The following LRRC20 variants were observed in gnomAD, a reference collection of about 807,000 sequenced individuals.
LRRC20 encodes leucine rich repeat containing 20, also known as leucine-rich repeat-containing protein 20.
In LRRC20, 11 loss-of-function variants were observed where a neutral mutation model predicts 14.4. The ratio of observed to expected loss-of-function variants is 0.77; its 90% CI spans 0.48 to 1.27. The LOEUF (loss-of-function observed/expected upper bound fraction) is 1.27. Ranked by LOEUF, LRRC20 falls within the 50% of genes most tolerant of loss-of-function variation. LRRC20 has a pLI of 0.00. For missense variants in LRRC20, 219 were observed against 251.2 expected (o/e 0.87, Z 0.87); for synonymous variants, 121 against 107.3 (o/e 1.13, Z -0.79).
At chr10:70,380,956 A>T (rs1844680276) in intron 1 of LRRC20, among the ~76,000 whole-genome samples, 1 of 152,208 alleles carries the variant, frequency 6.6e-6, no homozygotes, top group Admixed American at 6.5e-5. Flanking sequence ...TGGCATGGCC[A>T]GGGGGAAGGG....
chr10:70,329,637 C>T (rs1364359838), intron 3 of LRRC20, among the ~76,000 whole-genome samples: 2 of 150,864 alleles, frequency 1.3e-5, no homozygotes, highest in East Asian at 2.0e-4. Context: ...TCTCGGCTCA[C>T]TGCAACTTCT....
At chr10:70,367,041 C>T (rs1210752116) in intron 2 of LRRC20, among the ~76,000 whole-genome samples, 2 of 152,036 alleles carry the variant, frequency 1.3e-5, no homozygotes, top group Non-Finnish European at 2.9e-5. Flanking sequence ...GAAAACTTTA[C>T]TGACCAGATG....
chr10:70,301,907 T>C (rs570948442), intron 4 of LRRC20, among the ~76,000 whole-genome samples: 1 of 152,324 alleles, frequency 6.6e-6, no homozygotes, highest in African/African-American at 2.4e-5. Flanking sequence ...AACAATATGA[T>C]ATATACTATG....
chr10:70,337,898 G>C (rs575782790), intron 3 of LRRC20, among the ~76,000 whole-genome samples: 1 of 152,198 alleles, frequency 6.6e-6, no homozygotes, highest in African/African-American at 2.4e-5. Flanking sequence ...AAAAGCACAA[G>C]TGAACTCTCC....
chr10:70,372,183 G>A (rs4747019), intron 2 of LRRC20, among the ~76,000 whole-genome samples: 21,433 of 152,150 alleles, frequency 0.14, 1,690 homozygotes, highest in South Asian at 0.29. Context: ...CAAGATGTGT[G>A]TTTTATTTCC....
At chr10:70,355,158 G>A (rs932580582) in intron 2 of LRRC20, among the ~76,000 whole-genome samples, 3 of 152,178 alleles carry the variant, frequency 2.0e-5, no homozygotes, top group South Asian at 2.1e-4. Context: ...TGCAGACAGC[G>A]AGCAAAACAA....
intron 2 of LRRC20, among the ~76,000 whole-genome samples, chr10:70,371,917 G>A (rs1431022629): frequency 6.6e-6 from 1 of 152,108 alleles, no homozygotes; most frequent in Non-Finnish European, 1.5e-5. Context: ...CTAGCCAGGG[G>A]TGCCCCAGGA....
chr10:70,356,018 G>C (rs1295302969), intron 2 of LRRC20, among the ~76,000 whole-genome samples: 1 of 152,188 alleles, frequency 6.6e-6, no homozygotes. Context: ...TGAGCATGAG[G>C]CCCTCCAGCC....
chr10:70,319,302 C>T (rs1438306298), intron 4 of LRRC20, among the ~76,000 whole-genome samples: 1 of 152,156 alleles, frequency 6.6e-6, no homozygotes, highest in East Asian at 1.9e-4. Context: ...TTGTCTTCAC[C>T]CTCACATGTT....
intron 2 of LRRC20, among the ~76,000 whole-genome samples, chr10:70,371,880 C>T (rs1178322627): frequency 3.3e-5 from 5 of 151,752 alleles, no homozygotes; most frequent in Non-Finnish European, 4.4e-5. Context: ...CCTCGAGTTA[C>T]AGGAGGAAGC....
At chr10:70,334,513 T>C (rs181604891) in intron 3 of LRRC20, among the ~76,000 whole-genome samples, 18 of 152,198 alleles carry the variant, frequency 1.2e-4, no homozygotes, top group African/African-American at 3.1e-4. Flanking sequence ...GTAACTCCTG[T>C]GGGGCACTGA....
At chr10:70,374,569 C>A (rs1844435776) in intron 2 of LRRC20, among the ~76,000 whole-genome samples, 1 of 152,110 alleles carries the variant, frequency 6.6e-6, no homozygotes, top group African/African-American at 2.4e-5. Context: ...GTCTTGAACT[C>A]CTGGCCCCAA....
At position 70,369,605 on chromosome 10, in the gene LRRC20, C is replaced by CA. The variant is rs71009298; in HGVS notation, c.82+6846dup. Among the ~76,000 whole-genome samples the CA allele has an allele frequency of 1.6e-4, 11 of 68,586 alleles. 1 individual carries two copies. The highest frequency in any genetic ancestry group is 6.7e-4 in the African/African-American group (11 of 16,378). The allele number at this position is 68,586 out of a possible 152,430, so 45.0% of individuals were successfully genotyped here. A position where few individuals can be genotyped will look rare whatever the true frequency, so the allele number is the denominator to read the frequency against. On this transcript the variant is annotated intron_variant, in intron 2 of 4. Transcript: ENST00000446961. ...TGGGTGACAGAGTAAGACGCTGTCT[C>CA]AAAAAAAAAAAAAAAAAAAAAAAAA...
At chr10:70,340,428 C>A (rs1842870084) in intron 3 of LRRC20, 125 bp downstream of exon 3, 2 of 1,153,940 alleles carry the variant, frequency 1.7e-6, no homozygotes. Context: ...AAAGTCAACC[C>A]ATGGGAATGA....
chr10:70,328,478 CGA>C (rs1564622481), intron 3 of LRRC20, among the ~76,000 whole-genome samples: 3 of 152,080 alleles, frequency 2.0e-5, no homozygotes, highest in South Asian at 4.2e-4. Context: ...TGGATTTTTA[CGA>C]GAGACAGGGT....
At chr10:70,322,040 T>C (rs1338108880) in intron 4 of LRRC20, among the ~76,000 whole-genome samples, 3 of 152,252 alleles carry the variant, frequency 2.0e-5, no homozygotes, top group Non-Finnish European at 4.4e-5. Flanking sequence ...CCAGGAGATC[T>C]GGGCCACCCT....
intron 4 of LRRC20, among the ~76,000 whole-genome samples, chr10:70,317,810 G>A (rs903020211): frequency 2.6e-5 from 4 of 152,298 alleles, no homozygotes; most frequent in Admixed American, 6.5e-5. Context: ...AGCTGGCACT[G>A]GCAGGTCAAG....
chr10:70,358,114 A>G (rs576751571), intron 2 of LRRC20, among the ~76,000 whole-genome samples: 99 of 152,346 alleles, frequency 6.5e-4, no homozygotes, highest in Non-Finnish European at 1.1e-3. Context: ...GAAAGTCCAG[A>G]AACCCGGATC....
intron 2 of LRRC20, among the ~76,000 whole-genome samples, chr10:70,363,073 C>T (rs12240569): frequency 6.7e-6 from 1 of 149,964 alleles, no homozygotes; most frequent in Admixed American, 6.7e-5. Flanking sequence ...GAGTTCGAGA[C>T]TAGTCTGGGC....
Sources: gnomAD v4.1 joint callset for allele counts (sites outside exome capture counted in the v4.1 genomes callset) on GRCh38, gnomAD v4.1.1 for gene constraint, MANE v1.5 for transcripts, NCBI Gene and HGNC (gene_info 2026-07-23, HGNC 2026-07-21) for gene names.